The following ZFAND3 variants were observed in gnomAD, a reference collection of about 807,000 sequenced individuals.
The protein encoded by ZFAND3 is AN1-type zinc finger protein 3.
In ZFAND3, 10 loss-of-function variants were observed where a neutral mutation model predicts 29.6. That is an observed-to-expected ratio of 0.34 (90% confidence interval 0.21 to 0.57). The LOEUF is 0.57. Ranked by LOEUF, ZFAND3 falls within the 20% of genes least tolerant of loss-of-function variation. ZFAND3 has a pLI of 0.86. For synonymous variants in ZFAND3, 128 were observed against 112.6 expected, an observed-to-expected ratio of 1.14 and a Z score of -0.87; for missense variants, 230 against 304.5, an observed-to-expected ratio of 0.76 and a Z score of 1.82.
chr6:38,015,645 A>G (rs2127445644), intron 2 of ZFAND3, among the ~76,000 whole-genome samples: 1 of 152,366 alleles, frequency 6.6e-6, no homozygotes. Context: ...TGGTTGAATT[A>G]AAAAACAAGT....
intron 1 of ZFAND3, among the ~76,000 whole-genome samples, chr6:37,897,327 T>G (rs1765238578): frequency 6.6e-6 from 1 of 152,224 alleles, no homozygotes; most frequent in Admixed American, 6.5e-5. Flanking sequence ...TTGCTCAACA[T>G]TATGTCTGTA....
intron 1 of ZFAND3, among the ~76,000 whole-genome samples, chr6:37,849,507 C>T (rs924177428): frequency 7.2e-5 from 11 of 152,158 alleles, no homozygotes; most frequent in African/African-American, 2.7e-4. Context: ...CTCCTGGGTT[C>T]AAGTGATTCT....
chr6:38,104,949 A>T (rs1581921479), intron 4 of ZFAND3, among the ~76,000 whole-genome samples: 1 of 152,190 alleles, frequency 6.6e-6, no homozygotes, highest in Admixed American at 6.5e-5. Flanking sequence ...TGGAGACAGG[A>T]TATATAGTAG....
intron 1 of ZFAND3, among the ~76,000 whole-genome samples, chr6:37,872,910 A>C (rs1248289111): frequency 1.3e-5 from 2 of 152,234 alleles, no homozygotes; most frequent in Non-Finnish European, 2.9e-5. Context: ...ACAGTTGGCT[A>C]ATGTGGCAGA....
At chr6:38,039,991 A>G (rs1354002854) in intron 2 of ZFAND3, among the ~76,000 whole-genome samples, 1 of 152,144 alleles carries the variant, frequency 6.6e-6, no homozygotes, top group African/African-American at 2.4e-5. Flanking sequence ...GAATATTATT[A>G]CTCTTAAACT....
intron 1 of ZFAND3, among the ~76,000 whole-genome samples, chr6:37,920,126 GA>G (rs1761350322): frequency 6.9e-6 from 1 of 144,076 alleles, no homozygotes; most frequent in Non-Finnish European, 1.5e-5. Context: ...CAAAAGTAAG[GA>G]TTTAATTGTA....
At chr6:37,934,893 C>T (rs1229322249) in intron 2 of ZFAND3, among the ~76,000 whole-genome samples, 5 of 146,650 alleles carry the variant, frequency 3.4e-5, no homozygotes, top group Non-Finnish European at 7.5e-5. Context: ...ATACTATATT[C>T]TCTCCATTCC....
chr6:37,928,810 G>C (rs1382365748), intron 1 of ZFAND3, among the ~76,000 whole-genome samples: 1 of 152,196 alleles, frequency 6.6e-6, no homozygotes, highest in African/African-American at 2.4e-5. Flanking sequence ...GAGCCACCGT[G>C]CCTGGCCAGA....
intron 5 of ZFAND3, among the ~76,000 whole-genome samples, chr6:38,132,686 C>T (rs1160712219): frequency 1.3e-5 from 2 of 152,208 alleles, no homozygotes; most frequent in African/African-American, 4.8e-5. Flanking sequence ...GCTGCATAAA[C>T]CCCATCAGCA....
intron 5 of ZFAND3, among the ~76,000 whole-genome samples, chr6:38,143,684 G>C (rs1480506922): frequency 6.6e-6 from 1 of 152,234 alleles, no homozygotes; most frequent in Non-Finnish European, 1.5e-5. Context: ...TGCCCAGCTT[G>C]TTGATTCACT....
intron 4 of ZFAND3, among the ~76,000 whole-genome samples, chr6:38,106,469 G>A (rs186056063): frequency 6.6e-6 from 1 of 152,116 alleles, no homozygotes; most frequent in Non-Finnish European, 1.5e-5. Flanking sequence ...CATTCTTAAC[G>A]GCAGGCCTAT....
chr6:37,866,921 C>T (rs12191928), intron 1 of ZFAND3, among the ~76,000 whole-genome samples: 2 of 152,206 alleles, frequency 1.3e-5, no homozygotes, highest in Non-Finnish European at 2.9e-5. Flanking sequence ...GACTGCTTTA[C>T]TAAGGACCTG....
chr6:38,124,793 C>T (rs573103344), intron 5 of ZFAND3, among the ~76,000 whole-genome samples: 6 of 152,358 alleles, frequency 3.9e-5, no homozygotes, highest in Non-Finnish European at 8.8e-5. Flanking sequence ...TGAAGGGCTC[C>T]CTGAGCATGG....
intron 4 of ZFAND3, among the ~76,000 whole-genome samples, chr6:38,114,459 A>G (rs1765378085): frequency 6.6e-6 from 1 of 152,266 alleles, no homozygotes; most frequent in African/African-American, 2.4e-5. Flanking sequence ...GAGCTGGGAA[A>G]TAGGCTGAAC....
intron 1 of ZFAND3, among the ~76,000 whole-genome samples, chr6:37,842,772 A>G (rs745825316): frequency 1.6e-4 from 24 of 152,168 alleles, no homozygotes; most frequent in African/African-American, 4.6e-4. Flanking sequence ...GAGCATCCCA[A>G]TGTTAAATAA....
intron 3 of ZFAND3, among the ~76,000 whole-genome samples, chr6:38,064,054 A>T (rs1764294598): frequency 6.6e-6 from 1 of 152,160 alleles, no homozygotes; most frequent in South Asian, 2.1e-4. Flanking sequence ...TGAGGAGTTG[A>T]TGACAGCTGT....
intron 3 of ZFAND3, among the ~76,000 whole-genome samples, chr6:38,077,302 G>A (rs943180463): frequency 6.6e-6 from 1 of 152,152 alleles, no homozygotes; most frequent in African/African-American, 2.4e-5. Flanking sequence ...CTGGAAAAGT[G>A]AGATGCTGCA....
chr6:37,840,892 A>G (rs944597539), intron 1 of ZFAND3, among the ~76,000 whole-genome samples: 1 of 152,252 alleles, frequency 6.6e-6, no homozygotes, highest in African/African-American at 2.4e-5. Context: ...TTTGGTTAGA[A>G]AAAACAGAGA....
intron 5 of ZFAND3, among the ~76,000 whole-genome samples, chr6:38,139,823 T>C (rs1367358906): frequency 6.6e-6 from 1 of 152,090 alleles, no homozygotes; most frequent in Non-Finnish European, 1.5e-5. Flanking sequence ...CTTATGACGC[T>C]GGCTGCTCTG....
Sources: gnomAD v4.1 joint callset for allele counts (sites outside exome capture counted in the v4.1 genomes callset) on GRCh38, gnomAD v4.1.1 for gene constraint, MANE v1.5 for transcripts, NCBI Gene and HGNC (gene_info 2026-07-23, HGNC 2026-07-21) for gene names.